The following ROBO1 variants were observed in gnomAD, a reference collection of about 807,000 sequenced individuals.
ROBO1 encodes the protein roundabout homolog 1.
ROBO1 carries 149 observed loss-of-function variants against 195.9 expected under a neutral mutation model. The observed-to-expected ratio is 0.76, with a 90% CI of 0.67 to 0.87. The LOEUF is 0.87. Among genes scored for constraint, ROBO1 ranks in the 40% least tolerant of loss-of-function variants. ROBO1 has a pLI of 0.00. For missense variants in ROBO1, 1,933 were observed against 2,068.3 expected (o/e 0.93, Z 1.27); for synonymous variants, 816 against 733.2 (o/e 1.11, Z -1.82).
At chr3:79,598,026 A>G (rs1407753107) in intron 1 of ROBO1, among the ~76,000 whole-genome samples, 1 of 150,660 alleles carries the variant, frequency 6.6e-6, no homozygotes, top group East Asian at 1.9e-4. Context: ...TGAAAGACTA[A>G]TTAATTCTCA....
At chr3:79,623,283 C>G (rs1316307155) in intron 1 of ROBO1, among the ~76,000 whole-genome samples, 1 of 152,148 alleles carries the variant, frequency 6.6e-6, no homozygotes, top group East Asian at 1.9e-4. Context: ...GCCAGAATGT[C>G]TCTTCTCCTC....
Position 78,642,621 on chromosome 3 carries a change from T to C in ROBO1, c.2883-2723A>G, listed in dbSNP as rs548206270. Among the ~76,000 whole-genome samples, 5 of 152,328 alleles carry C rather than the reference T, an allele frequency of 3.3e-5. No individual in the cohort carries two copies. In the South Asian group the frequency reaches 1.0e-3, roughly 32 times the overall value. ...TTCTCTGCTTTCTTGCTTTATGCTG[T>C]GGTTTGGATTAAGTATGTTTTTTGG... On this transcript the variant is annotated intron_variant, in intron 21 of 30. Coordinates refer to ENST00000464233, the MANE Select transcript of ROBO1 (RefSeq NM_002941.4).
At chr3:79,226,842 TG>T (rs1182231362) in intron 2 of ROBO1, among the ~76,000 whole-genome samples, 12 of 152,160 alleles carry the variant, frequency 7.9e-5, no homozygotes, top group African/African-American at 2.9e-4. Context: ...CCACTGCACC[TG>T]GCCAACTTTC....
At chr3:79,254,892 GTGA>G (rs2082800534) in intron 2 of ROBO1, among the ~76,000 whole-genome samples, 1 of 152,142 alleles carries the variant, frequency 6.6e-6, no homozygotes, top group Non-Finnish European at 1.5e-5. Flanking sequence ...TGTTGCATCA[GTGA>G]ATGAGTGTAC....
At chr3:79,559,611 A>G (rs1477488608) in intron 2 of ROBO1, among the ~76,000 whole-genome samples, 6 of 152,170 alleles carry the variant, frequency 3.9e-5, no homozygotes, top group African/African-American at 1.4e-4. Context: ...TACCTTGTGT[A>G]CTGCAAGCTT....
At chr3:78,695,663 A>C (rs927613129) in intron 8 of ROBO1, among the ~76,000 whole-genome samples, 3 of 151,344 alleles carry the variant, frequency 2.0e-5, no homozygotes, top group Middle Eastern at 3.2e-3. Flanking sequence ...ACAGAAAAAT[A>C]TTTTATAGCC....
At chr3:78,768,165 T>C (rs1285242711) in intron 4 of ROBO1, among the ~76,000 whole-genome samples, 1 of 152,152 alleles carries the variant, frequency 6.6e-6, no homozygotes, top group African/African-American at 2.4e-5. Context: ...ATTTCCATCT[T>C]GATTTCGTTT....
intron 2 of ROBO1, among the ~76,000 whole-genome samples, chr3:79,345,930 T>C (rs1448795667): frequency 6.6e-6 from 1 of 152,302 alleles, no homozygotes; most frequent in South Asian, 2.1e-4. Flanking sequence ...CTGTAGATAC[T>C]TGATGAATTA....
rs894883162 is a variant in ROBO1 at position 79,071,403 on chromosome 3, T to C, written c.172+54053A>G. Among the ~76,000 whole-genome samples, 4 of 151,972 alleles carry C rather than the reference T, an allele frequency of 2.6e-5. No homozygotes were observed. The East Asian group carries it at 7.8e-4, about 30-fold the overall frequency. The stretch of plus-strand genomic sequence containing the variant: ...TTATGTATATTTTTGGTAATTTCTT[T>C]CTCTTTAATCCCTAAAGTAATATTA... On this transcript the variant is annotated intron_variant, in intron 3 of 30. Transcript: ENST00000464233.
chr3:79,335,827 G>A (rs2034642626), intron 2 of ROBO1, among the ~76,000 whole-genome samples: 1 of 152,184 alleles, frequency 6.6e-6, no homozygotes, highest in Admixed American at 6.6e-5. Flanking sequence ...GAAGATGTGG[G>A]AAACTTTGGT....
At chr3:79,046,160 T>C (rs2078587771) in intron 3 of ROBO1, among the ~76,000 whole-genome samples, 2 of 152,166 alleles carry the variant, frequency 1.3e-5, no homozygotes, top group South Asian at 2.1e-4. Context: ...TGTTCTCTCT[T>C]GCTCCTTCAC....
intron 10 of ROBO1, among the ~76,000 whole-genome samples, chr3:78,682,225 C>T (rs2080932781): frequency 6.6e-6 from 1 of 150,598 alleles, no homozygotes; most frequent in African/African-American, 2.4e-5. Context: ...AGGTCACAGG[C>T]AATGTAGGAC....
chr3:78,901,265 C>T (rs1383098714), intron 4 of ROBO1, among the ~76,000 whole-genome samples: 1 of 152,172 alleles, frequency 6.6e-6, no homozygotes, highest in African/African-American at 2.4e-5. Context: ...GCAGATGCCA[C>T]ACCTGCAAAT....
chr3:78,899,271 G>A (rs2037440887), intron 4 of ROBO1, among the ~76,000 whole-genome samples: 1 of 152,164 alleles, frequency 6.6e-6, no homozygotes, highest in African/African-American at 2.4e-5. Context: ...ATGTCATGCT[G>A]TGTGACTTCA....
chr3:79,711,565 T>C (rs1283422717), intron 1 of ROBO1, among the ~76,000 whole-genome samples: 3 of 152,106 alleles, frequency 2.0e-5, no homozygotes, highest in Non-Finnish European at 2.9e-5. Flanking sequence ...TCTAATCATA[T>C]ATTGATAAAC....
At chr3:78,839,880 G>GA (rs1299800507) in intron 4 of ROBO1, among the ~76,000 whole-genome samples, 1 of 152,128 alleles carries the variant, frequency 6.6e-6, no homozygotes, top group Non-Finnish European at 1.5e-5. Context: ...GGTTCTGAAT[G>GA]AATCAGCCCT....
At chr3:79,360,333 C>T (rs182251410) in intron 2 of ROBO1, among the ~76,000 whole-genome samples, 210 of 152,020 alleles carry the variant, frequency 1.4e-3, no homozygotes, top group African/African-American at 4.8e-3. Flanking sequence ...CAACTCTTAA[C>T]TATCCGTGAA....
At chr3:78,848,847 G>T (rs114278286) in intron 4 of ROBO1, among the ~76,000 whole-genome samples, 2,512 of 152,256 alleles carry the variant, frequency 0.016, 43 homozygotes, top group Middle Eastern at 0.051. Context: ...AAGAAAGAGG[G>T]TGTGGGGGCT....
chr3:78,691,187 T>C (rs78284514), intron 8 of ROBO1, among the ~76,000 whole-genome samples: 5,056 of 152,256 alleles, frequency 0.033, 261 homozygotes, highest in African/African-American at 0.12. Flanking sequence ...TCTATCAATC[T>C]GTCATCGTTA....
Sources: gnomAD v4.1 joint callset for allele counts (sites outside exome capture counted in the v4.1 genomes callset) on GRCh38, gnomAD v4.1.1 for gene constraint, MANE v1.5 for transcripts, NCBI Gene and HGNC (gene_info 2026-07-23, HGNC 2026-07-21) for gene names.